Variants in NBPF15 observed in about 807,000 individuals in gnomAD.
NBPF15 encodes the protein NBPF member 15.
A neutral mutation model predicts 62.2 loss-of-function variants in NBPF15; 74 were observed. The ratio of observed to expected loss-of-function variants is 1.19; its 90% CI spans 0.99 to 1.44. The LOEUF is 1.44. Among genes scored for constraint, NBPF15 ranks in the 40% most tolerant of loss-of-function variants. The pLI, the probability that NBPF15 is intolerant of heterozygous loss-of-function variation, is 0.00. For synonymous variants in NBPF15, 244 were observed against 209.7 expected (o/e 1.16, Z -1.41); for missense variants, 790 against 550.0 (o/e 1.44, Z -4.36).
rs587645738 is a variant in NBPF15, at chr1:144,461,131, C to T, written c.-937-170G>A. ...CACAGGATACACGAGGACGTGCCCCCGAAGCTGCTCGTCCCTCCACCCCCT... is the reference window on the plus strand; with the variant it reads ...CACAGGATACACGAGGACGTGCCCCTGAAGCTGCTCGTCCCTCCACCCCCT... On this transcript the variant is annotated intron_variant, in intron 1 of 21. Transcript: ENST00000581897. Among the ~76,000 whole-genome samples the T allele has an allele frequency of 3.0e-4, 45 of 151,824 alleles. 1 individual carries two copies. The South Asian group carries it at 7.7e-3, about 26-fold the overall frequency.
rs782623507 is a variant in NBPF15 at position 144,423,114 on chromosome 1, C to T, written c.1912G>A (p.Glu638Lys). 11 of 1,611,404 alleles carry T rather than the reference C, an allele frequency of 6.8e-6. No homozygotes were observed. Among genetic ancestry groups the T allele is most frequent in the Non-Finnish European group, 8.5e-6 (10 of 1,179,556 alleles). The change falls in exon 22 of 22, where the codon GAG becomes AAG. Residue 638 changes from glutamate to lysine, a missense_variant. Coordinates refer to ENST00000581897, the MANE Select transcript of NBPF15 (RefSeq NM_001385408.1). ...ACGTAAAGGGCGAAGCTGATATGCTCTTCCTCAAATGAGTAAAACACACTT... is the reference window on the plus strand; with the variant it reads ...ACGTAAAGGGCGAAGCTGATATGCTTTTCCTCAAATGAGTAAAACACACTT... ...YRSVFYSFEE[E>K]HISFALYVDN...
chr1:144,444,293 C>T (rs1558613327), intron 6 of NBPF15, among the ~76,000 whole-genome samples: 2 of 149,470 alleles, frequency 1.3e-5, no homozygotes, highest in African/African-American at 5.0e-5. Flanking sequence ...GAAGCCAGTG[C>T]CCTTATACAA....
chr1:144,427,006 T>C (rs1670224222), intron 17 of NBPF15, 41 bp downstream of exon 17: 3 of 759,372 alleles, frequency 4.0e-6, no homozygotes, highest in East Asian at 4.9e-5. Context: ...CATCTCCAGG[T>C]GTCAACACAC....
chr1:144,424,355 G>A (rs1364111546), intron 20 of NBPF15, among the ~76,000 whole-genome samples: 1 of 151,552 alleles, frequency 6.6e-6, no homozygotes, highest in Non-Finnish European at 1.5e-5. Context: ...GAGGACTTTA[G>A]ACACTGAAAT....
Position 144,440,019 on chromosome 1 carries a change from A to G in NBPF15, c.-16T>C, listed in dbSNP as rs2102219395. On this transcript the variant is annotated 5_prime_UTR_variant, in exon 8 of 22. Coordinates refer to ENST00000581897, the MANE Select transcript of NBPF15 (RefSeq NM_001385408.1). The stretch of plus-strand genomic sequence containing the variant: ...ATACCACCATGCTGACGTTTGTGGC[A>G]GAAGAGGTGGAGTCAGGGACTGGGG... 6.2e-7 allele frequency: 1 copy of G among 1,606,238 alleles called. No homozygotes were observed. The highest frequency in any genetic ancestry group is 1.3e-5 in the African/African-American group (1 of 74,836).
chr1:144,432,136 A>T (rs1202337585), intron 13 of NBPF15, among the ~76,000 whole-genome samples: 1 of 152,118 alleles, frequency 6.6e-6, no homozygotes, highest in Non-Finnish European at 1.5e-5. Flanking sequence ...CTATTTCTCC[A>T]CATCCTCTCC....
At position 144,440,571 on chromosome 1, in the gene NBPF15, G is replaced by A. The variant is rs1408996199; in HGVS notation, c.-190-276C>T. 144 of 232,016 alleles carry A rather than the reference G, an allele frequency of 6.2e-4. 1 individual carries two copies. Among genetic ancestry groups the A allele is most frequent in the African/African-American group, 3.2e-3 (140 of 43,578 alleles). 14.4% of individuals were successfully genotyped at this position (232,016 alleles called of 1,614,324 possible). A position where few individuals can be genotyped will look rare whatever the true frequency, so the allele number is the denominator to read the frequency against. On this transcript the variant is annotated intron_variant, in intron 6 of 21. Transcript: ENST00000581897. The stretch of plus-strand genomic sequence containing the variant: ...TCAAGGCAGAAACAGTTTCCCAACA[G>A]GTTATATTTTCTTAATGGTAGTCAT...
At chr1:144,455,234 AAG>A (rs1214561576) in intron 4 of NBPF15, among the ~76,000 whole-genome samples, 5 of 149,440 alleles carry the variant, frequency 3.3e-5, no homozygotes, top group East Asian at 2.0e-4. Context: ...GGAAAGAATA[AAG>A]AGAGAGAGAA....
chr1:144,459,902 A>G (rs1275149352), intron 2 of NBPF15, among the ~76,000 whole-genome samples: 2 of 151,846 alleles, frequency 1.3e-5, no homozygotes, highest in Non-Finnish European at 2.9e-5. Flanking sequence ...AATATGTAAT[A>G]CTAAGTTTTA....
intron 6 of NBPF15, among the ~76,000 whole-genome samples, chr1:144,444,325 C>T (rs1175858725): frequency 2.0e-5 from 3 of 150,440 alleles, no homozygotes; most frequent in African/African-American, 7.4e-5. Context: ...TAACAAAAGC[C>T]CACCAAGAGT....
intron 17 of NBPF15, among the ~76,000 whole-genome samples, chr1:144,426,682 G>A (rs1306009278): frequency 2.6e-5 from 4 of 151,592 alleles, no homozygotes; most frequent in Non-Finnish European, 4.4e-5. Context: ...TGAGCTCAGC[G>A]AATTGGCCGG....
chr1:144,440,069 G>T lies in NBPF15; in HGVS notation c.-35-31C>A, dbSNP rs1333886125. 11 of 1,570,126 alleles carry T rather than the reference G, an allele frequency of 7.0e-6. No individual in the cohort carries two copies. In the East Asian group the frequency reaches 1.8e-4, roughly 26 times the overall value. ...GAGAAGAAACCCAAACATATGATGGGTTAAAAACTGGTGAAATCAAATAGG... is the reference window on the plus strand; with the variant it reads ...GAGAAGAAACCCAAACATATGATGGTTTAAAAACTGGTGAAATCAAATAGG... On this transcript the variant is annotated intron_variant, in intron 7 of 21. Transcript: ENST00000581897.
At chr1:144,432,783 C>T (rs1264206861) in intron 13 of NBPF15, among the ~76,000 whole-genome samples, 4 of 151,180 alleles carry the variant, frequency 2.6e-5, no homozygotes, top group Non-Finnish European at 5.9e-5. Flanking sequence ...GCACCCTATA[C>T]AGGAGCACCC....
At chr1:144,428,338 T>G (rs1245363072) in intron 15 of NBPF15, among the ~76,000 whole-genome samples, 4 of 151,888 alleles carry the variant, frequency 2.6e-5, no homozygotes, top group African/African-American at 9.7e-5. Flanking sequence ...TAATTTTGCA[T>G]AAAATGTGCT....
At chr1:144,427,244 G>A (rs1486497234) in intron 16 of NBPF15, 146 bp from the exon 17 acceptor site, 1 of 654,430 alleles carries the variant, frequency 1.5e-6, no homozygotes, top group Non-Finnish European at 2.7e-6. Context: ...GAGGCCTGAA[G>A]GCTGATCACC....
chr1:144,453,724 A>C (rs1181711875), intron 4 of NBPF15, among the ~76,000 whole-genome samples: 1 of 146,550 alleles, frequency 6.8e-6, no homozygotes, highest in Non-Finnish European at 1.5e-5. Flanking sequence ...TATGAGAAAG[A>C]TGCTCAAAAT....
chr1:144,457,210 A>C (rs71239348), intron 3 of NBPF15, among the ~76,000 whole-genome samples: 38 of 152,168 alleles, frequency 2.5e-4, no homozygotes, highest in East Asian at 1.2e-3. Flanking sequence ...AAGTTTTCAC[A>C]AAGTAATACT....
In NBPF15 at chr1:144,423,961, C is replaced by T. The variant is rs1163404996; in HGVS notation, c.1678G>A (p.Gly560Arg). 1 of 769,758 alleles carries T rather than the reference C, an allele frequency of 1.3e-6. No homozygotes were observed. Among genetic ancestry groups the T allele is most frequent in the East Asian group, 2.4e-5 (1 of 41,220 alleles). 47.7% of individuals were successfully genotyped at this position (769,758 alleles called of 1,614,324 possible). A position where few individuals can be genotyped will look rare whatever the true frequency, so the allele number is the denominator to read the frequency against. ...SLDVGEIEKK[G>R]KGKKRRGRRS... ...CTTCCCCTTCTTTTCTTCCCCTTCC[C>T]CTTCTTTTCAATTTCTGCAATAAAT... Residue 560 changes from glycine to arginine, a missense_variant, in exon 21 of 22, where the codon GGG (glycine) becomes AGG (arginine). Transcript: ENST00000581897.
intron 6 of NBPF15, among the ~76,000 whole-genome samples, chr1:144,447,361 G>GT (rs1553544432): frequency 6.6e-6 from 1 of 151,812 alleles, no homozygotes; most frequent in East Asian, 2.0e-4. Flanking sequence ...AATTGGGGCT[G>GT]TGGAAGAGTG....
Sources: allele counts gnomAD v4.1 joint callset (sites outside exome capture counted in the v4.1 genomes callset), GRCh38; gene constraint gnomAD v4.1.1; transcripts MANE v1.5; gene names NCBI Gene and HGNC (gene_info 2026-07-23, HGNC 2026-07-21).